The following PCDHGA1 variants were observed in gnomAD, a reference collection of about 807,000 sequenced individuals.
PCDHGA1 encodes protocadherin gamma subfamily A, 1.
A neutral mutation model predicts 58.0 loss-of-function variants in PCDHGA1; 32 were observed. The observed-to-expected ratio is 0.55, with a 90% CI of 0.42 to 0.74. The LOEUF (loss-of-function observed/expected upper bound fraction) is 0.74, where lower values mean the gene tolerates loss of function less well. PCDHGA1 is among the 30% of genes least tolerant of loss of function. The pLI is 0.00. For synonymous variants in PCDHGA1, 498 were observed against 501.1 expected (o/e 0.99, Z 0.08); for missense variants, 1,205 against 1,182.3 (o/e 1.02, Z -0.28).
intron 1 of PCDHGA1, among the ~76,000 whole-genome samples, chr5:141,438,587 CATACATATATATATATATATATATATAT>C (rs1267620600): frequency 1.4e-5 from 1 of 73,428 alleles, no homozygotes; most frequent in Non-Finnish European, 2.6e-5. Context: ...TACATACATA[CATACATATATATATATATATATATATAT>C]ATATATATAT....
intron 1 of PCDHGA1, among the ~76,000 whole-genome samples, chr5:141,456,363 G>A (rs1233146015): frequency 6.6e-6 from 1 of 152,098 alleles, no homozygotes; most frequent in African/African-American, 2.4e-5. Flanking sequence ...GTCCATGTGT[G>A]GTTCAGTTTA....
chr5:141,483,711 A>G (rs1258383632), intron 1 of PCDHGA1, among the ~76,000 whole-genome samples: 2 of 152,122 alleles, frequency 1.3e-5, no homozygotes, highest in African/African-American at 2.4e-5. Context: ...TGACACCAGA[A>G]TATTGGTTCC....
At chr5:141,449,542 T>C (rs1379019468) in intron 1 of PCDHGA1, among the ~76,000 whole-genome samples, 2 of 142,482 alleles carry the variant, frequency 1.4e-5, no homozygotes, top group African/African-American at 5.3e-5. Context: ...TGAGCCGAGA[T>C]CGCACCACTG....
chr5:141,345,345 A>G, intron 1 of PCDHGA1: 2 of 1,614,066 alleles, frequency 1.2e-6, no homozygotes, highest in Non-Finnish European at 1.7e-6. Context: ...AGAAACTCAC[A>G]TCACCCTGCA....
chr5:141,472,556 T>A (rs2099287889), intron 1 of PCDHGA1, among the ~76,000 whole-genome samples: 1 of 151,628 alleles, frequency 6.6e-6, no homozygotes, highest in South Asian at 2.1e-4. Flanking sequence ...AAAAAAATTA[T>A]ATTATAAATG....
chr5:141,333,277 AT>A, intron 1 of PCDHGA1, 172 bp downstream of exon 1: 1 of 977,260 alleles, frequency 1.0e-6, no homozygotes, highest in Non-Finnish European at 1.5e-6. Context: ...ATGCAGGTAT[AT>A]TTATAATTGT....
intron 1 of PCDHGA1, chr5:141,408,447 G>A (rs536531313): frequency 3.1e-6 from 5 of 1,614,064 alleles, no homozygotes; most frequent in Admixed American, 1.7e-5. Context: ...GCGGAGAGCG[G>A]GGACTTACTT....
At chr5:141,436,300 G>A (rs966232889) in intron 1 of PCDHGA1, among the ~76,000 whole-genome samples, 1 of 152,180 alleles carries the variant, frequency 6.6e-6, no homozygotes, top group African/African-American at 2.4e-5. Flanking sequence ...TTGAGAGTTA[G>A]AGCATGAATA....
chr5:141,356,666 A>G (rs1760298726), intron 1 of PCDHGA1: 1 of 1,613,726 alleles, frequency 6.2e-7, no homozygotes, highest in Admixed American at 1.7e-5. Flanking sequence ...CGAATCACTT[A>G]CTCCCTGGCC....
rs1203060261 is a variant in PCDHGA1, at chr5:141,493,037, AG to A, written c.2422-1768del. 3.3e-5 allele frequency among the ~76,000 whole-genome samples: 5 copies of A among 152,252 alleles called. No individual in the cohort carries two copies. The highest frequency in any genetic ancestry group is 2.6e-4 in the Admixed American group (4 of 15,290). ...AGATGCCAGGGTGCCCTTATGTGTG[AG>A]GAAACTACAATAGTAAAAAACACAA... is the stretch of plus-strand genomic sequence containing the variant. On this transcript the variant is annotated intron_variant, in intron 1 of 3. Transcript: ENST00000517417. This position sits in a 1 kb window ranked among gnomAD's most constrained non-coding sequence, Gnocchi z 4.3.
intron 2 of PCDHGA1, among the ~76,000 whole-genome samples, chr5:141,500,939 G>T (rs2099804123): frequency 6.6e-6 from 1 of 151,680 alleles, no homozygotes; most frequent in South Asian, 2.1e-4. Context: ...CGCCATCTCG[G>T]CTCACTGCAA....
chr5:141,509,056 G>C (rs1303823294), intron 3 of PCDHGA1, among the ~76,000 whole-genome samples: 1 of 152,178 alleles, frequency 6.6e-6, no homozygotes, highest in Non-Finnish European at 1.5e-5. Flanking sequence ...CCCCCAGAAA[G>C]CTCTCAGCTC....
chr5:141,352,276 C>T lies in PCDHGA1; in HGVS notation c.2421+19171C>T, dbSNP rs753441011. 3.2e-5 allele frequency: 51 copies of T among 1,614,086 alleles called. 1 individual carries two copies. In the South Asian group the frequency reaches 4.8e-4, roughly 15 times the overall value. On this transcript the variant is annotated intron_variant, in intron 1 of 3. Transcript: ENST00000517417. ...TGCAAGAGGTATTGCCAGACCTCAG[C>T]GACCGCCCTGAGCCCTCTGACCCCC...
intron 1 of PCDHGA1, chr5:141,372,557 C>A: frequency 6.2e-7 from 1 of 1,614,048 alleles, no homozygotes; most frequent in Non-Finnish European, 8.5e-7. Flanking sequence ...CCTCCAGACC[C>A]GCCACTGAGG....
At chr5:141,420,086 TAC>T (rs1396904191) in intron 1 of PCDHGA1, 2 of 1,614,002 alleles carry the variant, frequency 1.2e-6, no homozygotes, top group Non-Finnish European at 1.7e-6. Context: ...TCCCCCCAAC[TAC>T]AGTGAGGGAA....
Position 141,370,599 on chromosome 5 carries a change from A to G in PCDHGA1, c.2421+37494A>G, listed in dbSNP as rs987021743. On this transcript the variant is annotated intron_variant, in intron 1 of 3. Transcript: ENST00000517417. ...TTTACCTACTAGGAACCTGCGGGTT[A>G]TTGCAGAGAAGAAATTCTTTACCGT... is the stretch of plus-strand genomic sequence containing the variant. 11 of 1,613,848 alleles carry G rather than the reference A, an allele frequency of 6.8e-6. No homozygotes were observed. The African/African-American group carries it at 1.2e-4, about 18-fold the overall frequency.
intron 1 of PCDHGA1, chr5:141,394,762 G>A: frequency 6.2e-7 from 1 of 1,613,396 alleles, no homozygotes; most frequent in Non-Finnish European, 8.5e-7. Flanking sequence ...CAGGACCATG[G>A]CCAGCCCCCT....
chr5:141,405,050 G>T, intron 1 of PCDHGA1: 1 of 1,613,866 alleles, frequency 6.2e-7, no homozygotes, highest in South Asian at 1.1e-5. Flanking sequence ...TGTGGCAGTC[G>T]TCTCCTGTGT....
intron 1 of PCDHGA1, chr5:141,365,174 C>A: frequency 6.2e-7 from 1 of 1,613,878 alleles, no homozygotes; most frequent in Non-Finnish European, 8.5e-7. Flanking sequence ...CTACTCTTTT[C>A]GCAATGAAGA....
Sources: allele counts gnomAD v4.1 joint callset (sites outside exome capture counted in the v4.1 genomes callset), GRCh38; gene constraint gnomAD v4.1.1; non-coding constraint Gnocchi (gnomAD v3.1); transcripts MANE v1.5; gene names NCBI Gene and HGNC (gene_info 2026-07-23, HGNC 2026-07-21).